The following KHDRBS2 variants were observed in gnomAD, a reference collection of about 807,000 sequenced individuals.
KHDRBS2 encodes KH domain-containing, RNA-binding, signal transduction-associated protein 2.
KHDRBS2 carries 26 observed loss-of-function variants against 44.3 expected under a neutral mutation model. The observed-to-expected ratio is 0.59, with a 90% CI of 0.43 to 0.81. KHDRBS2 has a LOEUF of 0.81. Ranked by LOEUF, KHDRBS2 falls within the 40% of genes least tolerant of loss-of-function variation. The pLI, the probability that KHDRBS2 is intolerant of heterozygous loss-of-function variation, is 0.00. For synonymous variants in KHDRBS2, 194 were observed against 151.1 expected (o/e 1.28, Z -2.08); for missense variants, 476 against 433.1 (o/e 1.10, Z -0.88).
intron 2 of KHDRBS2, among the ~76,000 whole-genome samples, chr6:62,170,327 C>T (rs895755265): frequency 5.3e-5 from 8 of 152,128 alleles, no homozygotes; most frequent in Admixed American, 2.0e-4. Flanking sequence ...GGACCACTGC[C>T]GCTACCTGAG....
chr6:61,709,791 T>C (rs1770192163), intron 7 of KHDRBS2, among the ~76,000 whole-genome samples: 1 of 151,712 alleles, frequency 6.6e-6, no homozygotes, highest in African/African-American at 2.4e-5. Flanking sequence ...TACAAGTATA[T>C]AGAAGCTATT....
At chr6:62,277,989 T>C (rs1181786147) in intron 1 of KHDRBS2, among the ~76,000 whole-genome samples, 1 of 152,212 alleles carries the variant, frequency 6.6e-6, no homozygotes, top group African/African-American at 2.4e-5. Flanking sequence ...CCATATAATA[T>C]GGATATTTGC....
chr6:61,599,941 GA>G, the KHDRBS2 span, among the ~76,000 whole-genome samples: 1 of 152,076 alleles, frequency 6.6e-6, no homozygotes, highest in South Asian at 2.1e-4. Context: ...AAATGACACA[GA>G]AAGAGACAAA....
At chr6:61,890,543 A>G (rs1167595720) in intron 6 of KHDRBS2, among the ~76,000 whole-genome samples, 1 of 152,174 alleles carries the variant, frequency 6.6e-6, no homozygotes, top group Non-Finnish European at 1.5e-5. Flanking sequence ...GCTAACTACT[A>G]TTACCTGAAA....
chr6:61,940,771 T>C (rs114849195), intron 4 of KHDRBS2, among the ~76,000 whole-genome samples: 1 of 152,150 alleles, frequency 6.6e-6, no homozygotes, highest in Non-Finnish European at 1.5e-5. Context: ...CAAGTGATCA[T>C]GGGCTAACAT....
Position 61,805,133 on chromosome 6 carries a change from T to C in KHDRBS2, c.811-72369A>G, listed in dbSNP as rs1786944241. Among the ~76,000 whole-genome samples the C allele has an allele frequency of 1.3e-5, 2 of 152,150 alleles. 1 individual carries two copies. Among genetic ancestry groups the C allele is most frequent in the South Asian group, 4.1e-4 (2 of 4,828 alleles). ...CTGAATGCTTTTAACAGCACCCAGGTCACATCCTGAATGCTTTGCTGCTTA... is the reference window on the plus strand; with the variant it reads ...CTGAATGCTTTTAACAGCACCCAGGCCACATCCTGAATGCTTTGCTGCTTA... On this transcript the variant is annotated intron_variant, in intron 6 of 8. Coordinates refer to ENST00000281156, the MANE Select transcript of KHDRBS2 (RefSeq NM_152688.4).
chr6:61,971,293 T>C (rs1187123409), intron 4 of KHDRBS2, among the ~76,000 whole-genome samples: 1 of 152,136 alleles, frequency 6.6e-6, no homozygotes, highest in Non-Finnish European at 1.5e-5. Context: ...AGGGATTCTC[T>C]GAAGTTTCCT....
chr6:62,030,811 C>T (rs1212421071), intron 3 of KHDRBS2, among the ~76,000 whole-genome samples: 1 of 152,026 alleles, frequency 6.6e-6, no homozygotes, highest in African/African-American at 2.4e-5. Context: ...ACTGTGAAAA[C>T]ATATGTCCAC....
At chr6:62,275,485 C>A (rs185075580) in intron 1 of KHDRBS2, among the ~76,000 whole-genome samples, 1 of 152,292 alleles carries the variant, frequency 6.6e-6, no homozygotes, top group Admixed American at 6.5e-5. Flanking sequence ...GAATAAACAT[C>A]ATGGTAAATG....
chr6:61,602,301 A>T, the KHDRBS2 span, among the ~76,000 whole-genome samples: 1 of 152,164 alleles, frequency 6.6e-6, no homozygotes, highest in Non-Finnish European at 1.5e-5. Flanking sequence ...TCTCCAGGAC[A>T]CAAGAACTTC....
the KHDRBS2 span, among the ~76,000 whole-genome samples, chr6:61,549,430 G>T: frequency 6.6e-6 from 1 of 152,078 alleles, no homozygotes; most frequent in Non-Finnish European, 1.5e-5. Flanking sequence ...TTTTAAACTT[G>T]TTTGTGTATT....
rs186267111 is a variant in KHDRBS2, at chr6:62,009,993, G to C, written c.337-31781C>G. Among the ~76,000 whole-genome samples, 3 of 152,242 alleles carry C rather than the reference G, an allele frequency of 2.0e-5. No homozygotes were observed. In the East Asian group the frequency reaches 5.8e-4, roughly 30 times the overall value. ...ACTGCCTAGTGGAGCTATGAGAACAGGGCCACCGTCCTCCAGATCCCAGAA... is the reference window on the plus strand; with the variant it reads ...ACTGCCTAGTGGAGCTATGAGAACACGGCCACCGTCCTCCAGATCCCAGAA... On this transcript the variant is annotated intron_variant, in intron 3 of 8. Coordinates refer to ENST00000281156, the MANE Select transcript of KHDRBS2 (RefSeq NM_152688.4).
chr6:61,571,359 C>T, the KHDRBS2 span, among the ~76,000 whole-genome samples: 1 of 152,138 alleles, frequency 6.6e-6, no homozygotes, highest in African/African-American at 2.4e-5. Flanking sequence ...TTTAGTTCAA[C>T]AGGAAAAGAT....
At chr6:61,968,020 C>T (rs191310804) in intron 4 of KHDRBS2, among the ~76,000 whole-genome samples, 84 of 150,570 alleles carry the variant, frequency 5.6e-4, no homozygotes, top group South Asian at 1.9e-3. Flanking sequence ...CTGCACTCCT[C>T]ACAGTGCATG....
intron 4 of KHDRBS2, among the ~76,000 whole-genome samples, chr6:61,966,833 C>T (rs1023544427): frequency 2.0e-5 from 3 of 151,752 alleles, no homozygotes; most frequent in Non-Finnish European, 4.4e-5. Context: ...TTTTCTGCCT[C>T]TCCCTATCAT....
chr6:61,756,193 T>C (rs1200866451), intron 6 of KHDRBS2, among the ~76,000 whole-genome samples: 1 of 152,180 alleles, frequency 6.6e-6, no homozygotes, highest in Non-Finnish European at 1.5e-5. Context: ...TAGAAACTAA[T>C]TTTTTATTCA....
chr6:62,199,039 C>G (rs979121437), intron 1 of KHDRBS2, among the ~76,000 whole-genome samples: 3 of 152,086 alleles, frequency 2.0e-5, no homozygotes, highest in Admixed American at 6.5e-5. Flanking sequence ...ATTCAACAGC[C>G]CTTCATGCTA....
At chr6:62,039,269 CACACACACACACACAA>C (rs1470685709) in intron 3 of KHDRBS2, among the ~76,000 whole-genome samples, 2 of 151,214 alleles carry the variant, frequency 1.3e-5, no homozygotes, top group Admixed American at 6.6e-5. Flanking sequence ...CACACACACA[CACACACACACACACAA>C]ACACACACAC....
intron 7 of KHDRBS2, among the ~76,000 whole-genome samples, chr6:61,732,093 AGCTG>A (rs1774549322): frequency 6.6e-6 from 1 of 152,122 alleles, no homozygotes; most frequent in Non-Finnish European, 1.5e-5. Flanking sequence ...AAACGTATAC[AGCTG>A]TATTCTAAAT....
Sources: gnomAD v4.1 joint callset for allele counts (sites outside exome capture counted in the v4.1 genomes callset) on GRCh38, gnomAD v4.1.1 for gene constraint, MANE v1.5 for transcripts, NCBI Gene and HGNC (gene_info 2026-07-23, HGNC 2026-07-21) for gene names.